UGGT2: variants seen among roughly 807,000 people sequenced by gnomAD.
UGGT2 encodes UDP-glucose glycoprotein glucosyltransferase 2.
UGGT2 carries 180 observed loss-of-function variants against 192.1 expected under a neutral mutation model. The ratio of observed to expected loss-of-function variants is 0.94; its 90% confidence interval spans 0.83 to 1.06. The LOEUF is 1.06. Among genes scored for constraint, UGGT2 ranks in the 50% least tolerant of loss-of-function variants. The probability of loss-of-function intolerance (pLI) is 0.00; values close to 1 mark genes in which losing one functional copy is unlikely to be tolerated. For missense variants in UGGT2, 1,849 were observed against 1,795.7 expected (o/e 1.03, Z -0.54); for synonymous variants, 580 against 591.0 (o/e 0.98, Z 0.27).
At chr13:95,939,798 A>G (rs549502751) in intron 16 of UGGT2, among the ~76,000 whole-genome samples, 159 bp downstream of exon 16, 2 of 152,182 alleles carry the variant, frequency 1.3e-5, no homozygotes, top group East Asian at 1.9e-4. Context: ...CCTTTGACCA[A>G]TATCTCCCCA....
intron 10 of UGGT2, among the ~76,000 whole-genome samples, chr13:95,980,432 T>C (rs1039174910): frequency 1.3e-5 from 2 of 151,812 alleles, no homozygotes; most frequent in African/African-American, 4.8e-5. Context: ...GAATGATACA[T>C]TGGACTTTGG....
chr13:95,922,003 T>G (rs1439936719), intron 20 of UGGT2, among the ~76,000 whole-genome samples: 2 of 152,166 alleles, frequency 1.3e-5, no homozygotes, highest in Non-Finnish European at 2.9e-5. Context: ...CTATTCACAA[T>G]GGCAAAGACA....
intron 36 of UGGT2, among the ~76,000 whole-genome samples, chr13:95,845,695 G>A (rs1424908740): frequency 2.0e-5 from 3 of 152,214 alleles, no homozygotes; most frequent in African/African-American, 4.8e-5. Context: ...ACACCTCCCA[G>A]ACAGGGTGGC....
chr13:95,852,131 A>C (rs1345547084), intron 36 of UGGT2, among the ~76,000 whole-genome samples: 1 of 152,180 alleles, frequency 6.6e-6, no homozygotes, highest in African/African-American at 2.4e-5. Flanking sequence ...ACTCATTCAT[A>C]TTTTGACATA....
intron 1 of UGGT2, among the ~76,000 whole-genome samples, chr13:96,040,431 TGGGGCCCATC>T (rs2053131833): frequency 1.3e-5 from 2 of 152,140 alleles, no homozygotes; most frequent in Non-Finnish European, 2.9e-5. Context: ...ACATTGGATT[TGGGGCCCATC>T]TAGATAATCC....
Position 95,801,630 on chromosome 13 carries a change from A to G in UGGT2, c.*160T>C, listed in dbSNP as rs1884062311. 1 of 638,532 alleles carries G rather than the reference A, an allele frequency of 1.6e-6. No individual in the cohort carries two copies. The allele number at this position is 638,532 out of a possible 1,614,324, so 39.6% of individuals were successfully genotyped here. On this transcript the variant is annotated 3_prime_UTR_variant, in exon 39 of 39. Coordinates refer to ENST00000376747, the MANE Select transcript of UGGT2 (RefSeq NM_020121.4). ...TATATAACTTAAACTCATTCAATACATTAAATAACTGTTTTAAATAATTAC... is the reference window on the plus strand; with the variant it reads ...TATATAACTTAAACTCATTCAATACGTTAAATAACTGTTTTAAATAATTAC...
At chr13:95,803,560 G>A (rs558602854) in intron 38 of UGGT2, among the ~76,000 whole-genome samples, 95 of 152,198 alleles carry the variant, frequency 6.2e-4, no homozygotes, top group Admixed American at 1.4e-3. Flanking sequence ...GTGCCCGGCC[G>A]AAAAGGGGTA....
intron 12 of UGGT2, among the ~76,000 whole-genome samples, chr13:95,967,843 TTGAGA>T (rs1259128472): frequency 1.3e-5 from 2 of 152,214 alleles, no homozygotes; most frequent in African/African-American, 4.8e-5. Flanking sequence ...TCAATAGGTA[TTGAGA>T]TATTATTTCA....
intron 2 of UGGT2, among the ~76,000 whole-genome samples, chr13:96,029,371 A>G (rs2052762567): frequency 6.7e-6 from 1 of 148,534 alleles, no homozygotes; most frequent in African/African-American, 2.5e-5. Context: ...ACTGCAGCCT[A>G]TGCCTCCAGT....
chr13:95,983,729 T>G lies in UGGT2; in HGVS notation c.1092+75A>C. On this transcript the variant is annotated intron_variant, in intron 10 of 38. Coordinates refer to ENST00000376747, the MANE Select transcript of UGGT2 (RefSeq NM_020121.4). ...ACAAATTACTATTTCCTTTTTTGTA[T>G]GAATATTGAAGATCCAAAGTCAGAA... 3.6e-6 allele frequency: 4 copies of G among 1,104,858 alleles called. 1 individual carries two copies. In the African/African-American group the frequency reaches 4.8e-5, roughly 13 times the overall value. 68.4% of individuals were successfully genotyped at this position (1,104,858 alleles called of 1,614,324 possible).
At chr13:95,934,783 A>G (rs532348974) in intron 17 of UGGT2, among the ~76,000 whole-genome samples, 5 of 152,322 alleles carry the variant, frequency 3.3e-5, no homozygotes, top group African/African-American at 1.2e-4. Context: ...TGGTGGGATT[A>G]CAGGCATGAA....
chr13:95,957,677 C>A lies in UGGT2; in HGVS notation c.1336-8223G>T, dbSNP rs575640646. 8.5e-5 allele frequency among the ~76,000 whole-genome samples: 13 copies of A among 152,298 alleles called. No individual in the cohort carries two copies. In the South Asian group the frequency reaches 2.5e-3, roughly 29 times the overall value. ...CACACAGAGTGACTGTCCTTCACTG[C>A]CAACCTTAGAAGCAAGCTAGGATAT... On this transcript the variant is annotated intron_variant, in intron 12 of 38. Transcript: ENST00000376747.
chr13:95,909,797 A>C (rs1278478718), intron 20 of UGGT2, among the ~76,000 whole-genome samples: 2 of 118,160 alleles, frequency 1.7e-5, no homozygotes, highest in Non-Finnish European at 3.5e-5. Context: ...ATTCCTGCCC[A>C]CTAAAAAAAA....
chr13:95,908,588 C>G (rs2048368647), intron 20 of UGGT2, among the ~76,000 whole-genome samples: 1 of 151,796 alleles, frequency 6.6e-6, no homozygotes, highest in Non-Finnish European at 1.5e-5. Context: ...TCCTATTTCT[C>G]CACATCCTCT....
intron 19 of UGGT2, among the ~76,000 whole-genome samples, chr13:95,926,692 A>G (rs576162513): frequency 6.6e-6 from 1 of 152,242 alleles, no homozygotes; most frequent in Admixed American, 6.5e-5. Flanking sequence ...ATTTAATCAG[A>G]ATGCAGAAGA....
rs2047390473 is a variant in UGGT2, at chr13:95,878,007, T to G, written c.3229-151A>C. On this transcript the variant is annotated intron_variant, in intron 27 of 38. Transcript: ENST00000376747. ...TTTTACACATGAGTGAATTCATGAG[T>G]TGAACTGATTTCTTCAAGACAAAAA... 3.8e-6 allele frequency: 3 copies of G among 782,596 alleles called. No homozygotes were observed. The East Asian group carries it at 8.3e-5, about 22-fold the overall frequency. The allele number at this position is 782,596 out of a possible 1,614,324, so 48.5% of individuals were successfully genotyped here.
intron 20 of UGGT2, among the ~76,000 whole-genome samples, chr13:95,919,201 T>A (rs1261102656): frequency 1.3e-5 from 2 of 152,126 alleles, no homozygotes; most frequent in Non-Finnish European, 2.9e-5. Flanking sequence ...AAACCAGGTA[T>A]TAAAGGAACA....
chr13:95,869,767 G>T (rs7336750), intron 29 of UGGT2, among the ~76,000 whole-genome samples: 7,693 of 152,178 alleles, frequency 0.051, 289 homozygotes, highest in East Asian at 0.19. Context: ...CAGAGGAAAT[G>T]GACTTCATTG....
intron 5 of UGGT2, among the ~76,000 whole-genome samples, chr13:96,003,772 C>T (rs765782946): frequency 1.2e-4 from 19 of 152,086 alleles, no homozygotes; most frequent in African/African-American, 4.6e-4. Flanking sequence ...ACTGAATGAC[C>T]CTCACTGCAT....
Sources: gnomAD v4.1 joint callset for allele counts (sites outside exome capture counted in the v4.1 genomes callset) on GRCh38, gnomAD v4.1.1 for gene constraint, MANE v1.5 for transcripts, NCBI Gene and HGNC (gene_info 2026-07-23, HGNC 2026-07-21) for gene names.